RPA3: variants seen among roughly 807,000 people sequenced by gnomAD.
The protein encoded by RPA3 is replication protein A3.
In RPA3, 24 loss-of-function variants were observed where a neutral mutation model predicts 13.7. The observed-to-expected ratio is 1.75, with a 90% CI of 1.27 to 2.46. The LOEUF is 2.46. Among genes scored for constraint, RPA3 ranks in the 30% most tolerant of loss-of-function variants. The probability of loss-of-function intolerance (pLI) is 0.00; values close to 1 mark genes in which losing one functional copy is unlikely to be tolerated. For synonymous variants in RPA3, 59 were observed against 51.2 expected, an observed-to-expected ratio of 1.15 and a Z score of -0.65; for missense variants, 183 against 151.0, an observed-to-expected ratio of 1.21 and a Z score of -1.11.
At chr7:7,652,707 G>T (rs1429453319) in intron 4 of RPA3, among the ~76,000 whole-genome samples, 1 of 152,170 alleles carries the variant, frequency 6.6e-6, no homozygotes, top group East Asian at 1.9e-4. Flanking sequence ...GCCAATTTTG[G>T]GCCCTCAAAA....
chr7:7,662,825 G>A (rs12112300), intron 4 of RPA3, among the ~76,000 whole-genome samples: 127,097 of 152,158 alleles, frequency 0.84, 53,269 homozygotes, highest in Non-Finnish European at 0.88. Context: ...TTAAAATGTT[G>A]TGGTGTTTAG....
chr7:7,706,623 A>G (rs140662543), intron 2 of RPA3, among the ~76,000 whole-genome samples: 1 of 152,330 alleles, frequency 6.6e-6, no homozygotes, highest in East Asian at 1.9e-4. Flanking sequence ...GTAATAATGA[A>G]GATAACTAAT....
chr7:7,718,601 G>C lies in RPA3; in HGVS notation c.-1166C>G, dbSNP rs1780979036. On this transcript the variant is annotated 5_prime_UTR_variant, in exon 1 of 8. Coordinates refer to ENST00000223129, the MANE Select transcript of RPA3 (RefSeq NM_002947.5). ...TGTCCTCTTGGAGCCTCTTATCTGA[G>C]TAGCTTCTGTGGATCTGATGATGCT... The C allele has an allele frequency of 6.6e-6, 1 of 152,172 alleles. No homozygotes were observed. The highest frequency in any genetic ancestry group is 1.5e-5 in the Non-Finnish European group (1 of 68,008). 9.4% of individuals were successfully genotyped at this position (152,172 alleles called of 1,614,324 possible).
chr7:7,715,316 G>A (rs1780873326), intron 1 of RPA3, 90 bp from the exon 2 acceptor site: 1 of 149,840 alleles, frequency 6.7e-6, no homozygotes, highest in South Asian at 2.1e-4. Context: ...TTGGTGAATA[G>A]TAGTAGCAGA....
intron 4 of RPA3, among the ~76,000 whole-genome samples, chr7:7,667,372 C>G (rs1412970153): frequency 6.6e-6 from 1 of 152,194 alleles, no homozygotes; most frequent in African/African-American, 2.4e-5. Context: ...GTCCAGCTGT[C>G]AAGGCCATGC....
At chr7:7,680,962 G>C (rs1779894831) in intron 4 of RPA3, among the ~76,000 whole-genome samples, 1 of 151,924 alleles carries the variant, frequency 6.6e-6, no homozygotes. Context: ...CATGTATCAT[G>C]GTTAGCATAT....
intron 4 of RPA3, among the ~76,000 whole-genome samples, chr7:7,661,152 T>G (rs1785465378): frequency 1.3e-5 from 2 of 152,336 alleles, no homozygotes; most frequent in Admixed American, 1.3e-4. Flanking sequence ...GTGCTGTGTT[T>G]TTCAGCTCCA....
intron 2 of RPA3, among the ~76,000 whole-genome samples, chr7:7,692,050 T>C (rs1398154106): frequency 6.6e-6 from 1 of 152,232 alleles, no homozygotes; most frequent in South Asian, 2.1e-4. Context: ...TACAGTATGT[T>C]GATAACTGCA....
chr7:7,662,115 G>C (rs1055465917), intron 4 of RPA3, among the ~76,000 whole-genome samples: 1 of 152,148 alleles, frequency 6.6e-6, no homozygotes, highest in African/African-American at 2.4e-5. Flanking sequence ...ACTGTGAGGG[G>C]AAAACGGCCC....
chr7:7,706,472 G>A (rs1780602633), intron 2 of RPA3, among the ~76,000 whole-genome samples: 3 of 152,268 alleles, frequency 2.0e-5, no homozygotes, highest in African/African-American at 7.2e-5. Context: ...ATATAACAAT[G>A]CTAACAATAT....
chr7:7,669,052 A>G (rs113360283), intron 4 of RPA3, among the ~76,000 whole-genome samples: 2 of 151,348 alleles, frequency 1.3e-5, no homozygotes, highest in South Asian at 2.1e-4. Context: ...AACTCTACAC[A>G]TATATAGACA....
At chr7:7,682,822 AG>A (rs2115124416) in intron 4 of RPA3, among the ~76,000 whole-genome samples, 1 of 152,342 alleles carries the variant, frequency 6.6e-6, no homozygotes. Flanking sequence ...TAAATTGCAA[AG>A]CAAGTATGCC....
Position 7,663,434 on chromosome 7 carries a change from T to C in RPA3, c.-757-22259A>G, listed in dbSNP as rs554169619. ...CAGTTTAAATGTCTTCTCTTGCTTA[T>C]CCTCTCAGGCATCTGTACCTCTTCC... On this transcript the variant is annotated intron_variant, in intron 4 of 7. Transcript: ENST00000223129. 5.3e-5 allele frequency among the ~76,000 whole-genome samples: 8 copies of C among 152,290 alleles called. No homozygotes were observed. In the South Asian group the frequency reaches 1.5e-3, roughly 28 times the overall value.
chr7:7,697,557 G>C (rs1402500834), intron 2 of RPA3, among the ~76,000 whole-genome samples: 4 of 152,144 alleles, frequency 2.6e-5, no homozygotes. Context: ...AAGTATCTCA[G>C]GAAGGAAGAA....
chr7:7,646,883 G>T (rs10254398), intron 4 of RPA3, among the ~76,000 whole-genome samples: 1 of 151,862 alleles, frequency 6.6e-6, no homozygotes, highest in African/African-American at 2.4e-5. Flanking sequence ...CACAGAATAG[G>T]GGTGACATAT....
intron 4 of RPA3, among the ~76,000 whole-genome samples, chr7:7,680,188 G>T (rs1399647600): frequency 1.3e-5 from 2 of 151,994 alleles, no homozygotes; most frequent in Admixed American, 1.3e-4. Context: ...TTAGATTTAC[G>T]TATTTTATCC....
chr7:7,693,607 A>C (rs1780233481), intron 2 of RPA3, among the ~76,000 whole-genome samples: 1 of 152,142 alleles, frequency 6.6e-6, no homozygotes, highest in South Asian at 2.1e-4. Flanking sequence ...TTTTAAGGTG[A>C]AATTCTACTA....
chr7:7,694,504 A>G (rs1780259723), intron 2 of RPA3, among the ~76,000 whole-genome samples: 1 of 152,050 alleles, frequency 6.6e-6, no homozygotes, highest in Non-Finnish European at 1.5e-5. Flanking sequence ...TTTTGTACCC[A>G]TTAACCATCT....
At chr7:7,700,376 G>A (rs536046450) in intron 2 of RPA3, among the ~76,000 whole-genome samples, 1 of 152,142 alleles carries the variant, frequency 6.6e-6, no homozygotes, top group Non-Finnish European at 1.5e-5. Flanking sequence ...CATGAATTTT[G>A]AGGGAACACA....
Sources: allele counts gnomAD v4.1 joint callset (sites outside exome capture counted in the v4.1 genomes callset), GRCh38; gene constraint gnomAD v4.1.1; transcripts MANE v1.5; gene names NCBI Gene and HGNC (gene_info 2026-07-23, HGNC 2026-07-21).